Variants in DPYSL2 observed in about 807,000 individuals in gnomAD.
The protein encoded by DPYSL2 is dihydropyrimidinase like 2, also known as dihydropyrimidinase-related protein 2.
A neutral mutation model predicts 69.9 loss-of-function variants in DPYSL2; 13 were observed. The observed-to-expected ratio is 0.19, with a 90% CI of 0.12 to 0.30. The LOEUF (loss-of-function observed/expected upper bound fraction) is 0.30, where lower values mean the gene tolerates loss of function less well. DPYSL2 is among the 10% of genes least tolerant of loss of function. The pLI, the probability that DPYSL2 is intolerant of heterozygous loss-of-function variation, is 1.00. For missense variants in DPYSL2, 587 were observed against 918.9 expected (o/e 0.64, Z 4.67); for synonymous variants, 326 against 359.1 (o/e 0.91, Z 1.04).
At chr8:26,524,538 C>G (rs1176718521) in intron 1 of DPYSL2, among the ~76,000 whole-genome samples, 1 of 151,984 alleles carries the variant, frequency 6.6e-6, no homozygotes, top group Non-Finnish European at 1.5e-5. Flanking sequence ...TAGCTCATGC[C>G]TGTAATCTCA....
intron 7 of DPYSL2, among the ~76,000 whole-genome samples, chr8:26,630,369 TGGGCTTTGTTCCCAGGGCTTTGTTCCCA>T (rs141166699): frequency 6.6e-6 from 1 of 151,536 alleles, no homozygotes; most frequent in Non-Finnish European, 1.5e-5. Context: ...TCCCTGGAAT[TGGGCTTTGTTCCCAGGGCTTTGTTCCCA>T]GGGCTTTGTT....
Position 26,582,293 on chromosome 8 carries a change from A to G in DPYSL2, c.443+236A>G, listed in dbSNP as rs1801508540. Among the ~76,000 whole-genome samples, 1 of 152,244 alleles carries G rather than the reference A, an allele frequency of 6.6e-6. No homozygotes were observed. The highest frequency in any genetic ancestry group is 1.5e-5 in the Non-Finnish European group (1 of 68,034). On this transcript the variant is annotated intron_variant, in intron 2 of 13. Transcript: ENST00000521913. This position sits in a 1 kb window ranked among gnomAD's most constrained non-coding sequence, Gnocchi z 4.1. The stretch of plus-strand genomic sequence containing the variant: ...TGCATTAGGTATTATGTAATTTACT[A>G]TTTTTAACTGAGGTGATATGATATC...
rs897964270 is a variant in DPYSL2, at chr8:26,626,349, C to G, written c.794-268C>G. Among the ~76,000 whole-genome samples the G allele has an allele frequency of 3.3e-5, 5 of 152,142 alleles. No individual in the cohort carries two copies. The highest frequency in any genetic ancestry group is 5.9e-5 in the Non-Finnish European group (4 of 68,018). Reference sequence around the variant, plus strand: ...TAATTTTGATATACTTGTAAACTTACAGGAAGATTATAAGAATACTAAAAA... The same window carrying G: ...TAATTTTGATATACTTGTAAACTTAGAGGAAGATTATAAGAATACTAAAAA... On this transcript the variant is annotated intron_variant, in intron 4 of 13. Coordinates refer to ENST00000521913, the MANE Select transcript of DPYSL2 (RefSeq NM_001197293.3). The surrounding 1 kb of genome is among the most constrained non-coding windows in gnomAD (Gnocchi z 4.3).
chr8:26,577,951 G>A (rs1585519630), intron 1 of DPYSL2: 3 of 1,247,366 alleles, frequency 2.4e-6, no homozygotes, highest in East Asian at 4.5e-5. Flanking sequence ...TTTTATTGCT[G>A]TAGTTTATTT....
In DPYSL2 at chr8:26,648,953, G is replaced by T. The variant is rs1171665033; in HGVS notation, c.1596+1153G>T. 2.0e-5 allele frequency among the ~76,000 whole-genome samples: 3 copies of T among 152,196 alleles called. No homozygotes were observed. Among genetic ancestry groups the T allele is most frequent in the Non-Finnish European group, 4.4e-5 (3 of 68,022 alleles). On this transcript the variant is annotated intron_variant, in intron 11 of 13. Coordinates refer to ENST00000521913, the MANE Select transcript of DPYSL2 (RefSeq NM_001197293.3). This position sits in a 1 kb window ranked among gnomAD's most constrained non-coding sequence, Gnocchi z 4.3. ...CCACTCACTGGCTCAGCCTGGCAGC[G>T]CAGCCTTATGATCGCGCCCCTTACA...
In DPYSL2 at chr8:26,516,136, C is replaced by A. The variant is rs1390862361; in HGVS notation, c.354+1457C>A. On this transcript the variant is annotated intron_variant, in intron 1 of 13. Transcript: ENST00000521913. The surrounding 1 kb of genome is among the most constrained non-coding windows in gnomAD (Gnocchi z 4.8). Reference sequence around the variant, plus strand: ...ACACAACTAATAATTTATATCCAACCCCAGCCCTGCCCTCTAATTTATTCA... The same window carrying A: ...ACACAACTAATAATTTATATCCAACACCAGCCCTGCCCTCTAATTTATTCA... 6.6e-6 allele frequency among the ~76,000 whole-genome samples: 1 copy of A among 152,180 alleles called. No homozygotes were observed. Among genetic ancestry groups the A allele is most frequent in the Non-Finnish European group, 1.5e-5 (1 of 68,032 alleles).
At chr8:26,563,726 C>T (rs1382072813) in intron 1 of DPYSL2, among the ~76,000 whole-genome samples, 1 of 152,216 alleles carries the variant, frequency 6.6e-6, no homozygotes, top group Admixed American at 6.5e-5. Context: ...GTTTCTTTCC[C>T]CATTAATTAA....
At chr8:26,639,247 AG>A (rs746627260) in intron 8 of DPYSL2, among the ~76,000 whole-genome samples, 9 of 152,202 alleles carry the variant, frequency 5.9e-5, no homozygotes, top group Non-Finnish European at 8.8e-5. Flanking sequence ...GAGAGGAGAG[AG>A]GACAGTAGAG....
chr8:26,555,883 T>G (rs1800937648), intron 1 of DPYSL2, among the ~76,000 whole-genome samples: 1 of 143,218 alleles, frequency 7.0e-6, no homozygotes, highest in South Asian at 2.1e-4. Flanking sequence ...TATATATACT[T>G]GTATATGTAG....
intron 1 of DPYSL2, among the ~76,000 whole-genome samples, chr8:26,553,532 T>A (rs986276975): frequency 6.6e-6 from 1 of 152,192 alleles, no homozygotes; most frequent in Non-Finnish European, 1.5e-5. Context: ...TCCAGCTTCA[T>A]CTATGTTCTT....
intron 1 of DPYSL2, among the ~76,000 whole-genome samples, chr8:26,529,151 C>T (rs1457982669): frequency 1.3e-5 from 2 of 152,106 alleles, no homozygotes. Context: ...AATAGAAAGG[C>T]ATGATTCATA....
rs1271239246 is a variant in DPYSL2 at position 26,621,534 on chromosome 8, T to C, written c.629-2609T>C. 6.6e-6 allele frequency among the ~76,000 whole-genome samples: 1 copy of C among 152,166 alleles called. No individual in the cohort carries two copies. Among genetic ancestry groups the C allele is most frequent in the Admixed American group, 6.5e-5 (1 of 15,274 alleles). On this transcript the variant is annotated intron_variant, in intron 3 of 13. Transcript: ENST00000521913. This position sits in a 1 kb window ranked among gnomAD's most constrained non-coding sequence, Gnocchi z 4.9. ...TTATTTAGAGCATTCATTTGGCTCT[T>C]CCCTGATCTAGGCGTTCAGTACCTG...
Position 26,610,001 on chromosome 8 carries a change from A to G in DPYSL2, c.629-14142A>G, listed in dbSNP as rs752012169. 6.6e-6 allele frequency among the ~76,000 whole-genome samples: 1 copy of G among 152,150 alleles called. No individual in the cohort carries two copies. Among genetic ancestry groups the G allele is most frequent in the Non-Finnish European group, 1.5e-5 (1 of 68,022 alleles). Reference sequence around the variant, plus strand: ...TACACACTCACCCATGTGCACACACACAGGCACACACATGAGAAAGGGACG... The same window carrying G: ...TACACACTCACCCATGTGCACACACGCAGGCACACACATGAGAAAGGGACG... On this transcript the variant is annotated intron_variant, in intron 3 of 13. Coordinates refer to ENST00000521913, the MANE Select transcript of DPYSL2 (RefSeq NM_001197293.3). This position sits in a 1 kb window ranked among gnomAD's most constrained non-coding sequence, Gnocchi z 4.5.
intron 1 of DPYSL2, among the ~76,000 whole-genome samples, chr8:26,576,102 A>C (rs893368836): frequency 1.1e-4 from 17 of 152,184 alleles, no homozygotes; most frequent in African/African-American, 4.1e-4. Flanking sequence ...TGCACAGCTA[A>C]ATTGAACTTG....
chr8:26,525,737 A>G (rs932999081), intron 1 of DPYSL2, among the ~76,000 whole-genome samples: 1 of 152,218 alleles, frequency 6.6e-6, no homozygotes, highest in African/African-American at 2.4e-5. Flanking sequence ...CCAGTTTACT[A>G]AATCCACGGT....
chr8:26,573,501 T>A (rs1801273461), intron 1 of DPYSL2, among the ~76,000 whole-genome samples: 1 of 151,812 alleles, frequency 6.6e-6, no homozygotes, highest in African/African-American at 2.4e-5. Flanking sequence ...ACCCTGTCTC[T>A]ACTAAAAAAT....
chr8:26,647,924 T>C lies in DPYSL2; in HGVS notation c.1596+124T>C. On this transcript the variant is annotated intron_variant, in intron 11 of 13. Transcript: ENST00000521913. This position sits in a 1 kb window ranked among gnomAD's most constrained non-coding sequence, Gnocchi z 5.1. ...TGATGGGAATGCGCTCGACTGAGGATGTTATGATTTGCAATTTGCTGGGAA... is the reference window on the plus strand; with the variant it reads ...TGATGGGAATGCGCTCGACTGAGGACGTTATGATTTGCAATTTGCTGGGAA... 8.5e-7 allele frequency: 1 copy of C among 1,170,896 alleles called. No homozygotes were observed. The highest frequency in any genetic ancestry group is 1.2e-6 in the Non-Finnish European group (1 of 846,424). 72.5% of individuals were successfully genotyped at this position (1,170,896 alleles called of 1,614,324 possible).
chr8:26,518,076 A>C (rs778907675), intron 1 of DPYSL2, among the ~76,000 whole-genome samples: 19 of 152,236 alleles, frequency 1.2e-4, no homozygotes, highest in Non-Finnish European at 2.6e-4. Context: ...TCTTAGTTAA[A>C]GAGAAATTCC....
At position 26,517,943 on chromosome 8, in the gene DPYSL2, A is replaced by G. The variant is rs1808319372; in HGVS notation, c.354+3264A>G. Among the ~76,000 whole-genome samples the G allele has an allele frequency of 6.6e-6, 1 of 152,142 alleles. No homozygotes were observed. The highest frequency in any genetic ancestry group is 2.4e-5 in the African/African-American group (1 of 41,418). On this transcript the variant is annotated intron_variant, in intron 1 of 13. Transcript: ENST00000521913. This position sits in a 1 kb window ranked among gnomAD's most constrained non-coding sequence, Gnocchi z 4.2. ...TGCTGTGCTGCCCTCTAACTGTACA[A>G]CGTCATCCCTACTCCATCCCCATAG...
Sources: gnomAD v4.1 joint callset for allele counts (sites outside exome capture counted in the v4.1 genomes callset) on GRCh38, gnomAD v4.1.1 for gene constraint, Gnocchi (gnomAD v3.1) non-coding constraint, MANE v1.5 for transcripts, NCBI Gene and HGNC (gene_info 2026-07-23, HGNC 2026-07-21) for gene names.